LARGE1: variants seen among roughly 807,000 people sequenced by gnomAD.
The protein encoded by LARGE1 is LARGE xylosyl- and glucuronyltransferase 1, also known as xylosyl- and glucuronyltransferase LARGE1.
LARGE1 carries 43 observed loss-of-function variants against 87.6 expected under a neutral mutation model. The observed-to-expected ratio is 0.49, with a 90% CI of 0.38 to 0.63. LARGE1 has a LOEUF of 0.63. LARGE1 is among the 30% of genes least tolerant of loss of function. LARGE1 has a pLI of 0.00. For synonymous variants in LARGE1, 434 were observed against 394.6 expected (o/e 1.10, Z -1.18); for missense variants, 802 against 1,000.2 (o/e 0.80, Z 2.67).
At chr22:33,377,709 A>G (rs925235925) in intron 9 of LARGE1, among the ~76,000 whole-genome samples, 1 of 152,132 alleles carries the variant, frequency 6.6e-6, no homozygotes, top group African/African-American at 2.4e-5. Flanking sequence ...TGATAGTCCA[A>G]TGAGACATAT....
chr22:33,143,234 A>G, the LARGE1 span, among the ~76,000 whole-genome samples: 1 of 152,180 alleles, frequency 6.6e-6, no homozygotes, highest in Non-Finnish European at 1.5e-5. Flanking sequence ...GTGGCTGGCT[A>G]TCAAAGGTTG....
chr22:33,752,515 A>C (rs550612047), intron 2 of LARGE1, among the ~76,000 whole-genome samples: 2 of 152,366 alleles, frequency 1.3e-5, no homozygotes, highest in South Asian at 4.1e-4. Context: ...CACCTATCAT[A>C]GATGAAGTAT....
chr22:33,685,885 G>T (rs779318771), intron 2 of LARGE1, among the ~76,000 whole-genome samples: 1 of 152,186 alleles, frequency 6.6e-6, no homozygotes, highest in Non-Finnish European at 1.5e-5. Context: ...TTTCTTAGCT[G>T]TAAAATGTGG....
the LARGE1 span, among the ~76,000 whole-genome samples, chr22:33,096,869 T>A: frequency 6.6e-6 from 1 of 152,214 alleles, no homozygotes; most frequent in African/African-American, 2.4e-5. Context: ...CCGGCGGATC[T>A]GGAGCATTTT....
chr22:33,254,247 G>T (rs1314843013), intron 11 of LARGE1, among the ~76,000 whole-genome samples: 3 of 152,150 alleles, frequency 2.0e-5, no homozygotes. Context: ...GGGCTAACTA[G>T]AAATGGGACA....
chr22:33,295,640 A>C (rs1162258770), intron 12 of LARGE1, among the ~76,000 whole-genome samples: 2 of 152,208 alleles, frequency 1.3e-5, no homozygotes, highest in Non-Finnish European at 2.9e-5. Flanking sequence ...ATCCCTAAAC[A>C]TAAAGGCCAG....
chr22:33,522,478 T>C (rs1210562334), intron 6 of LARGE1, among the ~76,000 whole-genome samples: 1 of 151,988 alleles, frequency 6.6e-6, no homozygotes. Flanking sequence ...GCGGGTGGAT[T>C]GCTTAAGCTC....
chr22:33,684,025 G>A (rs2081867080), intron 2 of LARGE1, among the ~76,000 whole-genome samples: 1 of 152,186 alleles, frequency 6.6e-6, no homozygotes, highest in Admixed American at 6.5e-5. Context: ...ACAGCCAGGA[G>A]GGTAGGAAGG....
intron 5 of LARGE1, among the ~76,000 whole-genome samples, chr22:33,571,962 G>A (rs1375964162): frequency 2.0e-5 from 3 of 152,104 alleles, no homozygotes; most frequent in Non-Finnish European, 4.4e-5. Context: ...AAACAATTAG[G>A]TACAATGTCT....
chr22:33,114,045 A>ATTTTTTTTTTTTT, the LARGE1 span, among the ~76,000 whole-genome samples: 9 of 135,742 alleles, frequency 6.6e-5, 1 homozygote, highest in East Asian at 2.1e-4. Flanking sequence ...TAATTTTTCT[A>ATTTTTTTTTTTTT]TTTTTTTTTT....
At chr22:33,688,597 T>C (rs1445938873) in intron 2 of LARGE1, among the ~76,000 whole-genome samples, 1 of 152,132 alleles carries the variant, frequency 6.6e-6, no homozygotes, top group African/African-American at 2.4e-5. Context: ...GTCATCTGCC[T>C]GCCTTGGCCT....
chr22:33,415,097 G>A (rs1186281059), intron 7 of LARGE1, among the ~76,000 whole-genome samples: 1 of 152,180 alleles, frequency 6.6e-6, no homozygotes, highest in Non-Finnish European at 1.5e-5. Context: ...AGGTCAGGAT[G>A]CATGAGCAAT....
At chr22:33,097,175 C>T in the LARGE1 span, among the ~76,000 whole-genome samples, 1 of 152,162 alleles carries the variant, frequency 6.6e-6, no homozygotes, top group African/African-American at 2.4e-5. Context: ...AAACACAGCA[C>T]TGGAGGAAGA....
intron 5 of LARGE1, among the ~76,000 whole-genome samples, chr22:33,600,736 G>C (rs946579406): frequency 1.3e-5 from 2 of 152,154 alleles, no homozygotes; most frequent in Admixed American, 6.5e-5. Context: ...TCCGCAGAGA[G>C]ATGTGACTCG....
chr22:33,397,252 A>G (rs1423709211), intron 7 of LARGE1, among the ~76,000 whole-genome samples: 1 of 152,116 alleles, frequency 6.6e-6, no homozygotes, highest in Non-Finnish European at 1.5e-5. Context: ...AGTAGCTGGG[A>G]TAACAGGCAT....
chr22:33,092,231 T>C, the LARGE1 span, among the ~76,000 whole-genome samples: 7 of 151,564 alleles, frequency 4.6e-5, no homozygotes, highest in Non-Finnish European at 8.8e-5. Flanking sequence ...AATAAGACTA[T>C]GTAGAATCTC....
chr22:33,312,365 A>T (rs1935693626), intron 11 of LARGE1, among the ~76,000 whole-genome samples: 1 of 151,514 alleles, frequency 6.6e-6, no homozygotes, highest in African/African-American at 2.4e-5. Context: ...GCTCGAACCC[A>T]GAAGGGGAAG....
chr22:33,697,998 CA>C (rs765235210), intron 2 of LARGE1, among the ~76,000 whole-genome samples: 10 of 152,220 alleles, frequency 6.6e-5, no homozygotes, highest in Non-Finnish European at 1.2e-4. Flanking sequence ...AGACTCAACT[CA>C]CCGCAGTAAA....
the LARGE1 span, among the ~76,000 whole-genome samples, chr22:33,073,137 G>A: frequency 6.6e-6 from 1 of 152,218 alleles, no homozygotes; most frequent in Admixed American, 6.5e-5. Flanking sequence ...GGGTAGTGGT[G>A]AAATGCCTTC....
Sources: allele counts gnomAD v4.1 joint callset (sites outside exome capture counted in the v4.1 genomes callset), GRCh38; gene constraint gnomAD v4.1.1; transcripts MANE v1.5; gene names NCBI Gene and HGNC (gene_info 2026-07-23, HGNC 2026-07-21).